Variants in CDYL observed in about 807,000 individuals in gnomAD.
CDYL encodes the protein chromodomain Y-like protein.
CDYL carries 8 observed loss-of-function variants against 47.3 expected under a neutral mutation model. The ratio of observed to expected loss-of-function variants is 0.17; its 90% CI spans 0.10 to 0.31. The LOEUF (loss-of-function observed/expected upper bound fraction) is 0.31, where lower values mean the gene tolerates loss of function less well. CDYL is among the 10% of genes least tolerant of loss of function. The probability of loss-of-function intolerance (pLI) is 1.00; values close to 1 mark genes in which losing one functional copy is unlikely to be tolerated. For synonymous variants in CDYL, 266 were observed against 265.0 expected (o/e 1.00, Z -0.04); for missense variants, 471 against 701.4 (o/e 0.67, Z 3.71).
In CDYL at chr6:4,871,870, C is replaced by T. The variant is rs145151436; in HGVS notation, c.25-19843C>T. ...AAGTTCCCACTGACCCCTAATATTC[C>T]GCATTGGCATTGTGACAGTTTTGCT... is the stretch of plus-strand genomic sequence containing the variant. On this transcript the variant is annotated intron_variant, in intron 1 of 6. Transcript: ENST00000397588. Among the ~76,000 whole-genome samples the T allele has an allele frequency of 1.3e-3, 201 of 152,256 alleles. 2 individuals carry two copies. The highest frequency in any genetic ancestry group is 4.7e-3 in the African/African-American group (194 of 41,552).
chr6:4,919,113 A>G (rs1757637818), intron 2 of CDYL, among the ~76,000 whole-genome samples: 1 of 152,194 alleles, frequency 6.6e-6, no homozygotes, highest in South Asian at 2.1e-4. Flanking sequence ...AGACCGGAAC[A>G]AAACAAGTTC....
At chr6:4,945,184 G>A (rs1354290789) in intron 5 of CDYL, among the ~76,000 whole-genome samples, 1 of 152,198 alleles carries the variant, frequency 6.6e-6, no homozygotes, top group Non-Finnish European at 1.5e-5. Context: ...CATGTTTGTA[G>A]TTGAGTGACT....
intron 2 of CDYL, among the ~76,000 whole-genome samples, chr6:4,915,661 G>A (rs915228835): frequency 2.0e-5 from 3 of 152,182 alleles, no homozygotes; most frequent in African/African-American, 4.8e-5. Context: ...GATAATAGGT[G>A]CCCTGAAGGA....
chr6:4,810,892 C>T (rs2127444114), intron 1 of CDYL, among the ~76,000 whole-genome samples: 1 of 152,322 alleles, frequency 6.6e-6, no homozygotes, highest in East Asian at 1.9e-4. Context: ...TACCATCATA[C>T]TAGGGATTGG....
intron 1 of CDYL, among the ~76,000 whole-genome samples, chr6:4,783,009 A>G (rs1407245657): frequency 6.6e-6 from 1 of 152,014 alleles, no homozygotes; most frequent in Admixed American, 6.5e-5. Context: ...CATTCCTTGA[A>G]CCCTGGTGCA....
intron 3 of CDYL, among the ~76,000 whole-genome samples, chr6:4,745,970 C>T (rs1178026086): frequency 1.3e-5 from 2 of 152,164 alleles, no homozygotes; most frequent in Non-Finnish European, 2.9e-5. Flanking sequence ...TGACAGGAAT[C>T]AGCCTGAAGA....
At chr6:4,760,496 C>T (rs996547676) in intron 3 of CDYL, among the ~76,000 whole-genome samples, 7 of 151,994 alleles carry the variant, frequency 4.6e-5, no homozygotes, top group Non-Finnish European at 8.8e-5. Context: ...GACACTGGTT[C>T]ATCATGGATT....
chr6:4,834,382 A>G (rs1291207043), intron 1 of CDYL, among the ~76,000 whole-genome samples: 7 of 148,816 alleles, frequency 4.7e-5, no homozygotes, highest in Non-Finnish European at 1.0e-4. Context: ...TCTTTTCTTT[A>G]AGAATGTTGA....
intron 2 of CDYL, among the ~76,000 whole-genome samples, chr6:4,923,957 T>G (rs1270376615): frequency 6.6e-6 from 1 of 151,966 alleles, no homozygotes; most frequent in Non-Finnish European, 1.5e-5. Flanking sequence ...CAAGGAGCAT[T>G]TTTTAGAAGT....
In CDYL at chr6:4,892,084, C is replaced by T; in HGVS notation, c.396C>T (p.Asn132=). The part of the protein sequence containing the change: ...NTAPSLSSRK[N]MDLAKSGIKI... Reference sequence around the variant, plus strand: ...CTCCATCTCTCTCCAGCCGGAAGAACATGGACCTAGCGAAGTCAGGTATCA... The same window carrying T: ...CTCCATCTCTCTCCAGCCGGAAGAATATGGACCTAGCGAAGTCAGGTATCA... Residue 132 remains asparagine, a synonymous_variant, in exon 2 of 7, where the codon AAC becomes AAT. Coordinates refer to ENST00000397588, the MANE Select transcript of CDYL (RefSeq NM_004824.4). The T allele has an allele frequency of 6.2e-7, 1 of 1,614,220 alleles. No homozygotes were observed. The highest frequency in any genetic ancestry group is 8.5e-7 in the Non-Finnish European group (1 of 1,180,030).
At chr6:4,943,961 A>G (rs1758438533) in intron 5 of CDYL, 1 of 481,936 alleles carries the variant, frequency 2.1e-6, no homozygotes, top group Admixed American at 3.7e-5. Context: ...TGAGGAGCCT[A>G]CCACTTTGCA....
chr6:4,827,831 T>G (rs1051456644), intron 1 of CDYL, among the ~76,000 whole-genome samples: 3 of 152,018 alleles, frequency 2.0e-5, no homozygotes, highest in Admixed American at 2.0e-4. Flanking sequence ...ATTTTTGGAT[T>G]TTAAGTAGAG....
At chr6:4,786,797 C>T (rs1211474774) in intron 1 of CDYL, among the ~76,000 whole-genome samples, 4 of 152,198 alleles carry the variant, frequency 2.6e-5, no homozygotes, top group African/African-American at 9.6e-5. Flanking sequence ...TTGGAGAACT[C>T]CATGTCTTCC....
chr6:4,847,122 G>A (rs59561097), intron 1 of CDYL, among the ~76,000 whole-genome samples: 3,496 of 152,276 alleles, frequency 0.023, 135 homozygotes, highest in African/African-American at 0.079. Context: ...AATGCCACCA[G>A]TGGCCCTCTA....
intron 1 of CDYL, among the ~76,000 whole-genome samples, chr6:4,815,601 T>G (rs1759649499): frequency 6.6e-6 from 1 of 152,164 alleles, no homozygotes; most frequent in Non-Finnish European, 1.5e-5. Context: ...ATACTGGTTA[T>G]TATCAGTCTT....
At chr6:4,773,058 G>C (rs1319657034), upstream of CDYL, 1 of 452,880 alleles carries the variant, frequency 2.2e-6, no homozygotes, top group Non-Finnish European at 4.4e-6. This position sits in a 1 kb window ranked among gnomAD's most constrained non-coding sequence, Gnocchi z 4.6. Flanking sequence ...ATGGGAAGAG[G>C]CTGTGATTCT....
chr6:4,840,690 A>T (rs774334977), intron 1 of CDYL, among the ~76,000 whole-genome samples: 9 of 152,126 alleles, frequency 5.9e-5, no homozygotes, highest in Middle Eastern at 3.4e-3. Context: ...TGTTTATGTG[A>T]TGACAACATT....
chr6:4,859,627 TC>T (rs1005248817), intron 1 of CDYL, among the ~76,000 whole-genome samples: 1 of 152,234 alleles, frequency 6.6e-6, no homozygotes, highest in African/African-American at 2.4e-5. Context: ...GAGTGCTAGT[TC>T]TGCACACTTG....
chr6:4,870,034 CA>C (rs1348768455), intron 1 of CDYL, among the ~76,000 whole-genome samples: 1 of 152,072 alleles, frequency 6.6e-6, no homozygotes, highest in Admixed American at 6.5e-5. Context: ...ATTTTGCTTT[CA>C]TTTTTTTTCT....
Sources: gnomAD v4.1 joint callset for allele counts (sites outside exome capture counted in the v4.1 genomes callset) on GRCh38, gnomAD v4.1.1 for gene constraint, Gnocchi (gnomAD v3.1) non-coding constraint, MANE v1.5 for transcripts, NCBI Gene and HGNC (gene_info 2026-07-23, HGNC 2026-07-21) for gene names.